TCF12: variants seen among roughly 807,000 people sequenced by gnomAD.
The protein encoded by TCF12 is DNA-binding protein HTF4.
Under a neutral mutation model 86.0 loss-of-function variants are expected in TCF12, and 45 were observed. The observed-to-expected ratio is 0.52, with a 90% CI of 0.41 to 0.67. TCF12 has a LOEUF of 0.67. TCF12 is among the 30% of genes least tolerant of loss of function. TCF12 has a pLI of 0.00. For synonymous variants in TCF12, 330 were observed against 299.6 expected (o/e 1.10, Z -1.05); for missense variants, 881 against 859.9 (o/e 1.02, Z -0.31).
chr15:57,072,222 C>G (rs1162939986), intron 4 of TCF12, among the ~76,000 whole-genome samples: 1 of 152,118 alleles, frequency 6.6e-6, no homozygotes, highest in Non-Finnish European at 1.5e-5. Context: ...AAACACAAAA[C>G]TGGTACAACT....
intron 5 of TCF12, among the ~76,000 whole-genome samples, chr15:57,166,122 G>C (rs185458355): frequency 6.3e-4 from 96 of 151,588 alleles, no homozygotes; most frequent in Admixed American, 1.1e-3. Flanking sequence ...CTTCACTATT[G>C]CCCACGCTAG....
At chr15:57,017,792 A>G (rs148019350) in intron 3 of TCF12, among the ~76,000 whole-genome samples, 11 of 150,232 alleles carry the variant, frequency 7.3e-5, no homozygotes, top group East Asian at 5.9e-4. Flanking sequence ...ATACCTTGCA[A>G]TGAATTCCTG....
intron 16 of TCF12, among the ~76,000 whole-genome samples, chr15:57,260,889 C>G (rs1211542894): frequency 6.6e-6 from 1 of 152,160 alleles, no homozygotes; most frequent in African/African-American, 2.4e-5. Context: ...CTCTTGAATA[C>G]AATTTTCACA....
intron 12 of TCF12, among the ~76,000 whole-genome samples, chr15:57,236,066 C>T (rs1263397879): frequency 6.6e-6 from 1 of 152,160 alleles, no homozygotes; most frequent in Non-Finnish European, 1.5e-5. Flanking sequence ...TCAGCTCTGT[C>T]ATCCTGTGTT....
At chr15:57,221,411 T>TGTGTGC (rs767502002) in intron 8 of TCF12, among the ~76,000 whole-genome samples, 189 of 147,460 alleles carry the variant, frequency 1.3e-3, no homozygotes, top group Middle Eastern at 3.5e-3. Flanking sequence ...TGTGTGTGTG[T>TGTGTGC]GCACGTGTAT....
At chr15:56,952,042 T>C (rs762127417) in intron 3 of TCF12, among the ~76,000 whole-genome samples, 9 of 152,212 alleles carry the variant, frequency 5.9e-5, no homozygotes, top group Non-Finnish European at 1.3e-4. Context: ...GGATTGAAGT[T>C]TTTTTGTGTG....
At chr15:57,151,634 G>A (rs1459519668) in intron 5 of TCF12, among the ~76,000 whole-genome samples, 5 of 151,952 alleles carry the variant, frequency 3.3e-5, no homozygotes, top group Admixed American at 6.6e-5. Context: ...GTGTGGTGGC[G>A]CATGCATGTA....
intron 3 of TCF12, among the ~76,000 whole-genome samples, chr15:56,939,547 T>TTAGACAGATTATAAA (rs1567134248): frequency 2.6e-5 from 4 of 152,038 alleles, no homozygotes; most frequent in African/African-American, 7.2e-5. Context: ...ACTATATGTA[T>TTAGACAGATTATAAA]ATTAGACAGA....
intron 3 of TCF12, among the ~76,000 whole-genome samples, chr15:56,944,087 A>C (rs1452996458): frequency 6.6e-6 from 1 of 152,196 alleles, no homozygotes; most frequent in Non-Finnish European, 1.5e-5. Context: ...CCATTACCTA[A>C]TGGAAACAAA....
chr15:57,104,435 C>CTTTTTTTT (rs71113062), intron 5 of TCF12, among the ~76,000 whole-genome samples: 40 of 103,328 alleles, frequency 3.9e-4, no homozygotes, highest in Admixed American at 6.2e-4. Flanking sequence ...TTTTTTTTTT[C>CTTTTTTTT]TTTTTTTTTT....
intron 7 of TCF12, among the ~76,000 whole-genome samples, chr15:57,195,472 A>G (rs2057211067): frequency 6.6e-6 from 1 of 152,194 alleles, no homozygotes; most frequent in South Asian, 2.1e-4. Context: ...GTTCAAGGGA[A>G]TGCTGTATTA....
chr15:57,261,700 T>A (rs2060591436), intron 16 of TCF12, among the ~76,000 whole-genome samples: 1 of 152,118 alleles, frequency 6.6e-6, no homozygotes, highest in Non-Finnish European at 1.5e-5. Context: ...AGTATTTTGT[T>A]AAATGCCAGT....
At chr15:57,065,021 A>T (rs1464245074) in intron 4 of TCF12, among the ~76,000 whole-genome samples, 5 of 152,192 alleles carry the variant, frequency 3.3e-5, no homozygotes, top group African/African-American at 1.2e-4. Context: ...GCATTGAAAA[A>T]TGCTGAGTTA....
intron 6 of TCF12, among the ~76,000 whole-genome samples, chr15:57,186,186 A>G (rs1294881284): frequency 3.3e-5 from 5 of 152,216 alleles, no homozygotes; most frequent in African/African-American, 1.2e-4. Flanking sequence ...AGAATTAGTA[A>G]TAAGAATCCT....
intron 3 of TCF12, among the ~76,000 whole-genome samples, chr15:57,024,735 G>A (rs1398197625): frequency 1.3e-5 from 2 of 152,102 alleles, no homozygotes; most frequent in Non-Finnish European, 2.9e-5. Context: ...TCAGTAATTG[G>A]AAGAATAGTG....
At chr15:57,145,121 G>T (rs1341059542) in intron 5 of TCF12, among the ~76,000 whole-genome samples, 1 of 152,138 alleles carries the variant, frequency 6.6e-6, no homozygotes, top group Non-Finnish European at 1.5e-5. Flanking sequence ...ATCTTAATAA[G>T]AACATTTCCA....
chr15:57,185,372 C>G (rs2056607131), intron 6 of TCF12, among the ~76,000 whole-genome samples: 1 of 152,136 alleles, frequency 6.6e-6, no homozygotes, highest in Non-Finnish European at 1.5e-5. Context: ...GGAGATGTAG[C>G]AGAAGCCTTA....
chr15:57,077,273 G>T (rs894157655), intron 4 of TCF12, among the ~76,000 whole-genome samples: 1 of 150,610 alleles, frequency 6.6e-6, no homozygotes, highest in Non-Finnish European at 1.5e-5. Flanking sequence ...TTTGATTCAT[G>T]CATATGATAT....
intron 5 of TCF12, among the ~76,000 whole-genome samples, chr15:57,141,820 C>T (rs1211030291): frequency 6.6e-6 from 1 of 152,064 alleles, no homozygotes; most frequent in South Asian, 2.1e-4. Context: ...TTTGCAGTGG[C>T]GGGACACAGG....
Sources: gnomAD v4.1 joint callset for allele counts (sites outside exome capture counted in the v4.1 genomes callset) on GRCh38, gnomAD v4.1.1 for gene constraint, MANE v1.5 for transcripts, NCBI Gene and HGNC (gene_info 2026-07-23, HGNC 2026-07-21) for gene names.